GPC5: variants seen among roughly 807,000 people sequenced by gnomAD.
GPC5 encodes glypican-5.
GPC5 carries 47 observed loss-of-function variants against 53.9 expected under a neutral mutation model. The ratio of observed to expected loss-of-function variants is 0.87; its 90% confidence interval spans 0.69 to 1.11. The LOEUF (loss-of-function observed/expected upper bound fraction) is 1.11, where lower values mean the gene tolerates loss of function less well. Among genes scored for constraint, GPC5 ranks in the 50% most tolerant of loss-of-function variants. GPC5 has a pLI of 0.00. For missense variants in GPC5, 748 were observed against 713.1 expected (o/e 1.05, Z -0.56); for synonymous variants, 286 against 263.3 (o/e 1.09, Z -0.84).
At chr13:91,914,308 G>A (rs1431812032) in intron 6 of GPC5, among the ~76,000 whole-genome samples, 2 of 152,042 alleles carry the variant, frequency 1.3e-5, no homozygotes. Flanking sequence ...TTATTTTATT[G>A]CAAAGCCAAT....
chr13:92,371,198 A>G (rs770159447), intron 7 of GPC5, among the ~76,000 whole-genome samples: 4 of 152,210 alleles, frequency 2.6e-5, no homozygotes, highest in Non-Finnish European at 5.9e-5. Flanking sequence ...CTTGTTTTTC[A>G]TCACCAAAAA....
chr13:91,952,120 AT>A lies in GPC5; in HGVS notation c.1401+44065del, dbSNP rs2040031162. ...TTATTTGGTATATGTTCTGCTAGGT[AT>A]TATGAATACAGAAATCAGTCTTGTC... On this transcript the variant is annotated intron_variant, in intron 6 of 7. Coordinates refer to ENST00000377067, the MANE Select transcript of GPC5 (RefSeq NM_004466.6). 3.9e-5 allele frequency among the ~76,000 whole-genome samples: 6 copies of A among 152,150 alleles called. No homozygotes were observed. The South Asian group carries it at 1.2e-3, about 32-fold the overall frequency.
intron 7 of GPC5, among the ~76,000 whole-genome samples, chr13:92,410,359 G>T (rs1019526667): frequency 2.6e-5 from 4 of 152,132 alleles, no homozygotes; most frequent in Non-Finnish European, 2.9e-5. Context: ...TAATTAATCT[G>T]CATGCATTAC....
chr13:92,501,666 G>C (rs193085763), intron 7 of GPC5, among the ~76,000 whole-genome samples: 2 of 152,014 alleles, frequency 1.3e-5, no homozygotes, highest in Non-Finnish European at 2.9e-5. Flanking sequence ...AAAACAAAAA[G>C]AGTAAAGAGT....
chr13:91,421,898 T>TA (rs1878661335), intron 1 of GPC5, among the ~76,000 whole-genome samples: 1 of 152,218 alleles, frequency 6.6e-6, no homozygotes, highest in South Asian at 2.1e-4. Flanking sequence ...TGGCATGCTA[T>TA]GTAAAGCAGG....
chr13:92,749,415 T>C (rs1216713856), intron 7 of GPC5, among the ~76,000 whole-genome samples: 2 of 152,144 alleles, frequency 1.3e-5, no homozygotes, highest in African/African-American at 4.8e-5. Context: ...TGTTTGTGAT[T>C]ATGAGAAAAT....
In GPC5 at chr13:92,166,942, TCTCTCTCTCTCTCTCACACACACA is replaced by T. The variant is rs1231264692; in HGVS notation, c.1561+21955_1561+21978del. Among the ~76,000 whole-genome samples, 220 of 110,546 alleles carry T rather than the reference TCTCTCTCTCTCTCTCACACACACA, an allele frequency of 2.0e-3. 1 individual carries two copies. The highest frequency in any genetic ancestry group is 4.0e-3 in the East Asian group (16 of 3,970). The allele number at this position is 110,546 out of a possible 152,430, so 72.5% of individuals were successfully genotyped here. The stretch of plus-strand genomic sequence containing the variant: ...CTCAGTCTCTCTCTCTCTCTCTCTC[TCTCTCTCTCTCTCTCACACACACA>T]CACACACACACACACACACACACAC... On this transcript the variant is annotated intron_variant, in intron 7 of 7. Coordinates refer to ENST00000377067, the MANE Select transcript of GPC5 (RefSeq NM_004466.6).
chr13:91,541,284 A>C (rs2029911558), intron 2 of GPC5, among the ~76,000 whole-genome samples: 1 of 152,084 alleles, frequency 6.6e-6, no homozygotes, highest in African/African-American at 2.4e-5. Context: ...GTGTGCAGTT[A>C]ATTTACTGTT....
chr13:92,575,415 CAA>C (rs1883159282), intron 7 of GPC5, among the ~76,000 whole-genome samples: 1 of 152,110 alleles, frequency 6.6e-6, no homozygotes, highest in Non-Finnish European at 1.5e-5. Context: ...TATGCAGCCA[CAA>C]GCGAGAGAAC....
intron 5 of GPC5, among the ~76,000 whole-genome samples, chr13:91,886,885 T>C (rs1178865966): frequency 2.6e-5 from 4 of 151,996 alleles, no homozygotes; most frequent in African/African-American, 7.2e-5. Flanking sequence ...CTGGCATTGT[T>C]TGTGGCTTTT....
intron 7 of GPC5, among the ~76,000 whole-genome samples, chr13:92,175,281 C>T (rs2042101654): frequency 1.3e-5 from 2 of 152,112 alleles, no homozygotes; most frequent in African/African-American, 4.8e-5. Flanking sequence ...TTCTGTTTAT[C>T]GATATCTAGC....
chr13:91,921,212 T>C (rs751014788), intron 6 of GPC5, among the ~76,000 whole-genome samples: 73 of 152,050 alleles, frequency 4.8e-4, no homozygotes, highest in Non-Finnish European at 6.6e-4. Flanking sequence ...GTTGGGATTA[T>C]AGGCATGAGC....
intron 7 of GPC5, among the ~76,000 whole-genome samples, chr13:92,394,585 T>G (rs953000363): frequency 1.3e-5 from 2 of 152,098 alleles, no homozygotes; most frequent in Non-Finnish European, 2.9e-5. Context: ...CTATGAAAAA[T>G]TAATTTCTGT....
chr13:92,527,101 GAAAGAAA>G (rs200357297), intron 7 of GPC5, among the ~76,000 whole-genome samples: 5,386 of 47,530 alleles, frequency 0.11, 1,009 homozygotes, highest in Middle Eastern at 0.26. Flanking sequence ...TGTAGGAAAA[GAAAGAAA>G]AAAGAAAGAA....
chr13:92,103,436 AC>A (rs2041482366), intron 6 of GPC5, among the ~76,000 whole-genome samples: 1 of 152,226 alleles, frequency 6.6e-6, no homozygotes, highest in African/African-American at 2.4e-5. Flanking sequence ...TATTTATCTC[AC>A]TTCTTTTAAA....
chr13:92,146,206 G>A (rs559244606), intron 7 of GPC5, among the ~76,000 whole-genome samples: 13 of 152,196 alleles, frequency 8.5e-5, no homozygotes, highest in East Asian at 1.9e-4. Flanking sequence ...TACAGAATGC[G>A]ATAAAGATGT....
intron 2 of GPC5, among the ~76,000 whole-genome samples, chr13:91,663,616 C>A (rs2035037264): frequency 6.6e-6 from 1 of 151,830 alleles, no homozygotes; most frequent in South Asian, 2.1e-4. Flanking sequence ...AGCCACCACA[C>A]CTGGCTAATT....
At chr13:92,043,739 G>T (rs550537422) in intron 6 of GPC5, among the ~76,000 whole-genome samples, 3 of 152,284 alleles carry the variant, frequency 2.0e-5, no homozygotes, top group South Asian at 2.1e-4. Context: ...AGAATATCGG[G>T]TGTTGGAAAA....
At chr13:91,885,858 A>G (rs2039316113) in intron 5 of GPC5, among the ~76,000 whole-genome samples, 1 of 152,158 alleles carries the variant, frequency 6.6e-6, no homozygotes, top group South Asian at 2.1e-4. Flanking sequence ...GTTTAAAGCA[A>G]TGTTCTATAG....
Sources: allele counts gnomAD v4.1 joint callset (sites outside exome capture counted in the v4.1 genomes callset), GRCh38; gene constraint gnomAD v4.1.1; transcripts MANE v1.5; gene names NCBI Gene and HGNC (gene_info 2026-07-23, HGNC 2026-07-21).